Variants in NRXN1 observed in about 807,000 individuals in gnomAD.
NRXN1 encodes the protein neurexin-1.
NRXN1 carries 39 observed loss-of-function variants against 150.9 expected under a neutral mutation model. The observed-to-expected ratio is 0.26, with a 90% CI of 0.20 to 0.34. The LOEUF (loss-of-function observed/expected upper bound fraction) is 0.34. Among genes scored for constraint, NRXN1 ranks in the 10% least tolerant of loss-of-function variants. The probability of loss-of-function intolerance (pLI) is 1.00; values close to 1 mark genes in which losing one functional copy is unlikely to be tolerated. For missense variants in NRXN1, 1,815 were observed against 1,949.9 expected (o/e 0.93, Z 1.30); for synonymous variants, 924 against 757.0 (o/e 1.22, Z -3.62).
chr2:51,016,082 A>T (rs1668622185), intron 2 of NRXN1, among the ~76,000 whole-genome samples: 1 of 152,102 alleles, frequency 6.6e-6, no homozygotes, highest in South Asian at 2.1e-4. Context: ...ATCTACAACC[A>T]TCTGATCTTT....
rs1040886437 is a variant in NRXN1, at chr2:50,443,678, C to T, written c.3364+21764G>A. Among the ~76,000 whole-genome samples the T allele has an allele frequency of 3.3e-5, 5 of 152,198 alleles. No individual in the cohort carries two copies. The East Asian group carries it at 9.7e-4, about 29-fold the overall frequency. On this transcript the variant is annotated intron_variant, in intron 17 of 22. Transcript: ENST00000401669. ...GAGGCTTGGGGATCCTTTAGAATGA[C>T]CAGTGAATGATCCATGCCACTGTTT...
At chr2:50,354,528 C>T (rs867717408) in intron 17 of NRXN1, among the ~76,000 whole-genome samples, 23 of 140,088 alleles carry the variant, frequency 1.6e-4, no homozygotes, top group African/African-American at 5.4e-4. Context: ...TCTATATATA[C>T]ACTACCTTAG....
intron 5 of NRXN1, among the ~76,000 whole-genome samples, chr2:50,714,090 AG>A (rs1192339138): frequency 6.6e-6 from 1 of 152,170 alleles, no homozygotes; most frequent in African/African-American, 2.4e-5. Context: ...ATATTAGAAA[AG>A]GTAGCAAGAT....
At chr2:51,011,064 C>T (rs1001379887) in intron 2 of NRXN1, among the ~76,000 whole-genome samples, 7 of 152,006 alleles carry the variant, frequency 4.6e-5, no homozygotes, top group African/African-American at 1.7e-4. Flanking sequence ...ATGAGCCACC[C>T]TGCCCAGCCT....
intron 13 of NRXN1, among the ~76,000 whole-genome samples, chr2:50,498,058 G>A (rs557037493): frequency 1.3e-5 from 2 of 152,254 alleles, no homozygotes; most frequent in South Asian, 2.1e-4. Context: ...AAAGAAGGGA[G>A]AGTGCACAGA....
intron 9 of NRXN1, chr2:50,548,243 C>G (rs749333740): frequency 3.3e-5 from 5 of 152,108 alleles, no homozygotes; most frequent in Non-Finnish European, 7.4e-5. Flanking sequence ...ATAGGGACCT[C>G]AAGACCAAGA....
intron 2 of NRXN1, among the ~76,000 whole-genome samples, chr2:50,944,811 C>A (rs1367577358): frequency 1.3e-5 from 2 of 152,142 alleles, no homozygotes; most frequent in African/African-American, 4.8e-5. Flanking sequence ...CAATAATTAA[C>A]CCTGTGCTTG....
chr2:49,948,891 G>T (rs1428975205), intron 21 of NRXN1, among the ~76,000 whole-genome samples: 1 of 151,898 alleles, frequency 6.6e-6, no homozygotes, highest in Non-Finnish European at 1.5e-5. Context: ...CCATTTAGAT[G>T]AGTGTCTCTA....
At chr2:50,838,196 TGTAG>T (rs1672370643) in intron 5 of NRXN1, among the ~76,000 whole-genome samples, 1 of 152,136 alleles carries the variant, frequency 6.6e-6, no homozygotes, top group Non-Finnish European at 1.5e-5. Flanking sequence ...GCAATGTTAG[TGTAG>T]GTATTACTCT....
At chr2:50,009,087 A>G (rs1305032619) in intron 21 of NRXN1, among the ~76,000 whole-genome samples, 1 of 152,300 alleles carries the variant, frequency 6.6e-6, no homozygotes, top group East Asian at 1.9e-4. Flanking sequence ...CAACTAAGAA[A>G]TTGCTGAAAG....
At chr2:50,443,336 A>G (rs2086128832) in intron 17 of NRXN1, among the ~76,000 whole-genome samples, 1 of 151,980 alleles carries the variant, frequency 6.6e-6, no homozygotes, top group Admixed American at 6.6e-5. Context: ...ATATAGGAGA[A>G]TTTTCTTCTT....
intron 2 of NRXN1, among the ~76,000 whole-genome samples, chr2:50,927,750 G>A (rs1687122435): frequency 6.6e-6 from 1 of 151,896 alleles, no homozygotes; most frequent in Non-Finnish European, 1.5e-5. Context: ...ATTTAGAGGA[G>A]AGTCATGTGC....
At chr2:50,086,684 G>A (rs1443227859) in intron 19 of NRXN1, among the ~76,000 whole-genome samples, 1 of 152,050 alleles carries the variant, frequency 6.6e-6, no homozygotes, top group Non-Finnish European at 1.5e-5. Context: ...GAATAATAAT[G>A]TCTTTGACTT....
chr2:50,020,039 TGTAGTGCAC>T (rs1687328299), intron 21 of NRXN1, among the ~76,000 whole-genome samples: 1 of 143,856 alleles, frequency 7.0e-6, no homozygotes, highest in African/African-American at 2.8e-5. Flanking sequence ...CAGAGGAGCA[TGTAGTGCAC>T]TATTGAAGCT....
At chr2:50,907,313 T>C (rs935949473) in intron 5 of NRXN1, among the ~76,000 whole-genome samples, 11 of 152,036 alleles carry the variant, frequency 7.2e-5, no homozygotes, top group African/African-American at 2.4e-4. Context: ...AAACTCAGTA[T>C]AAAAAGTACA....
At chr2:50,742,607 CAAAA>C (rs376431319) in intron 5 of NRXN1, among the ~76,000 whole-genome samples, 2 of 69,858 alleles carry the variant, frequency 2.9e-5, no homozygotes, top group Admixed American at 1.7e-4. Context: ...GACTCCGTCT[CAAAA>C]AAAAAAAAAA....
At chr2:50,387,593 GAGAAGTGAATACCA>G (rs1347492670) in intron 17 of NRXN1, among the ~76,000 whole-genome samples, 1 of 152,064 alleles carries the variant, frequency 6.6e-6, no homozygotes, top group Non-Finnish European at 1.5e-5. Flanking sequence ...GCTAAGGTAG[GAGAAGTGAATACCA>G]AGTTCAGCTC....
At chr2:50,026,470 T>C (rs1688296864) in intron 21 of NRXN1, among the ~76,000 whole-genome samples, 1 of 152,184 alleles carries the variant, frequency 6.6e-6, no homozygotes, top group South Asian at 2.1e-4. Context: ...GTTTTATTAC[T>C]CATGTCATCA....
At chr2:50,098,571 A>T (rs1386720940) in intron 18 of NRXN1, among the ~76,000 whole-genome samples, 1 of 152,126 alleles carries the variant, frequency 6.6e-6, no homozygotes, top group African/African-American at 2.4e-5. Flanking sequence ...GCTCTATACA[A>T]TGTATCTCAT....
Sources: gnomAD v4.1 joint callset for allele counts (sites outside exome capture counted in the v4.1 genomes callset) on GRCh38, gnomAD v4.1.1 for gene constraint, MANE v1.5 for transcripts, NCBI Gene and HGNC (gene_info 2026-07-23, HGNC 2026-07-21) for gene names.